SLC6A15: variants seen among roughly 807,000 people sequenced by gnomAD.
The protein encoded by SLC6A15 is solute carrier family 6 member 15.
Under a neutral mutation model 68.5 loss-of-function variants are expected in SLC6A15, and 33 were observed. The observed-to-expected ratio is 0.48, with a 90% CI of 0.37 to 0.64. SLC6A15 has a LOEUF of 0.64. SLC6A15 is among the 30% of genes least tolerant of loss of function. The pLI, the probability that SLC6A15 is intolerant of heterozygous loss-of-function variation, is 0.00. For missense variants in SLC6A15, 747 were observed against 874.3 expected, an observed-to-expected ratio of 0.85 and a Z score of 1.84; for synonymous variants, 347 against 301.0, an observed-to-expected ratio of 1.15 and a Z score of -1.58.
At chr12:84,903,504 C>CA (rs1392754933) in intron 1 of SLC6A15, among the ~76,000 whole-genome samples, 1 of 151,930 alleles carries the variant, frequency 6.6e-6, no homozygotes, top group East Asian at 1.9e-4. Flanking sequence ...TTCCGGAGAC[C>CA]AAAGAATCCA....
intron 1 of SLC6A15, among the ~76,000 whole-genome samples, 173 bp downstream of exon 1, chr12:84,912,350 C>T (rs2120766316): frequency 6.6e-6 from 1 of 152,240 alleles, no homozygotes; most frequent in South Asian, 2.1e-4. Context: ...CCCAGCTTCT[C>T]CCTCCCAGGG....
Position 84,861,324 on chromosome 12 carries a change from T to A in SLC6A15, c.*308A>T, listed in dbSNP as rs1317069256. On this transcript the variant is annotated 3_prime_UTR_variant, in exon 12 of 12. Coordinates refer to ENST00000266682, the MANE Select transcript of SLC6A15 (RefSeq NM_182767.6). ...ACTAAACCCAGAAATTATTAGAAAC[T>A]GAGGTAATACCATTTTTTTAAGAGA... 1 of 223,458 alleles carries A rather than the reference T, an allele frequency of 4.5e-6. No homozygotes were observed. Among genetic ancestry groups the A allele is most frequent in the African/African-American group, 2.3e-5 (1 of 44,126 alleles). 13.8% of individuals were successfully genotyped at this position (223,458 alleles called of 1,614,324 possible).
intron 2 of SLC6A15, among the ~76,000 whole-genome samples, chr12:84,887,074 G>A (rs989895172): frequency 6.6e-6 from 1 of 152,042 alleles, no homozygotes; most frequent in African/African-American, 2.4e-5. Context: ...TGTGGAGGTC[G>A]TTCCTACATG....
chr12:84,872,773 T>C lies in SLC6A15; in HGVS notation c.1131A>G (p.Lys377=), dbSNP rs560593137. ...GACTAATGTTCCCCATTTTCAAAAA[T>C]TTCATGATCGTCTCTGAATTTCTGA... ...CITQNSETIM[K]FLKMGNISQD... is the part of the protein sequence containing the mutation. The change falls in exon 8 of 12, where the codon AAA becomes AAG. Residue 377 remains lysine, a synonymous_variant. Transcript: ENST00000266682. The C allele has an allele frequency of 4.4e-6, 7 of 1,603,690 alleles. No individual in the cohort carries two copies. The South Asian group carries it at 5.7e-5, about 13-fold the overall frequency.
At chr12:84,907,683 G>C (rs1282730017) in intron 1 of SLC6A15, among the ~76,000 whole-genome samples, 1 of 152,066 alleles carries the variant, frequency 6.6e-6, no homozygotes, top group African/African-American at 2.4e-5. Context: ...CCACATAACC[G>C]AGCAAGTGTT....
At chr12:84,864,865 C>T (rs1228678146) in intron 10 of SLC6A15, among the ~76,000 whole-genome samples, 2 of 152,016 alleles carry the variant, frequency 1.3e-5, no homozygotes, top group Non-Finnish European at 2.9e-5. Context: ...AGGGTTATTA[C>T]TAGAACCATA....
rs764405550 is a variant in SLC6A15, at chr12:84,861,923, A to C, written c.1902T>G (p.Pro634=). The C allele has an allele frequency of 6.2e-7, 1 of 1,614,024 alleles. No individual in the cohort carries two copies. Among genetic ancestry groups the C allele is most frequent in the Non-Finnish European group, 8.5e-7 (1 of 1,179,922 alleles). Residue 634 remains proline, a synonymous_variant, in exon 12 of 12, where the codon CCT becomes CCG. Transcript: ENST00000266682. ...TGAAGCGACGAACAATGAAAACTAC[A>C]GGGACTGGGAGTATTGCAAAGACAA... The part of the protein sequence containing the change: ...SLVVFAILPV[P]VVFIVRRFNL...
At position 84,863,537 on chromosome 12, in the gene SLC6A15, T is replaced by C; in HGVS notation, c.1720A>G (p.Lys574Glu). The change falls in exon 11 of 12, where the codon AAA (lysine) becomes GAA (glutamate). Residue 574 changes from lysine to glutamate, a missense_variant. Physicochemically the swap from Lys to Glu is moderately conservative, Grantham distance 56. Coordinates refer to ENST00000266682, the MANE Select transcript of SLC6A15 (RefSeq NM_182767.6). The part of the protein sequence containing the change: ...APSRYYYYMW[K>E]YISPLMLLSL... ...AATAGCATTAGAGGAGAAATATATT[T>C]CCACATATAGTAGTAATATCTGCTG... The C allele has an allele frequency of 6.3e-7, 1 of 1,595,252 alleles. No homozygotes were observed. The highest frequency in any genetic ancestry group is 8.5e-7 in the Non-Finnish European group (1 of 1,172,824).
rs1565736544 is a variant in SLC6A15 at position 84,910,953 on chromosome 12, G to GTGTCTT, written c.-189+1569_-189+1570insAAGACA. 4.6e-3 allele frequency among the ~76,000 whole-genome samples: 660 copies of GTGTCTT among 144,558 alleles called. 26 individuals carry two copies. The highest frequency in any genetic ancestry group is 0.017 in the African/African-American group (616 of 35,376). 94.8% of individuals were successfully genotyped at this position (144,558 alleles called of 152,430 possible). On this transcript the variant is annotated intron_variant, in intron 1 of 11. Transcript: ENST00000266682. ...CGTGTGTGTGTGTGTGTGTGTGTGT[G>GTGTCTT]TCTTTAACCCTCGCCTTCCCTTCAA...
chr12:84,870,552 C>CTG lies in SLC6A15; in HGVS notation c.1419_1420dup (p.Ser474ThrfsTer20). 6.2e-7 allele frequency: 1 copy of CTG among 1,609,378 alleles called. No individual in the cohort carries two copies. ...AATCCCTTCAATGGTTCCAAACATA[C>CTG]TGCCAAGGCCTAGATTGACCAGCAT... On this transcript the variant is annotated frameshift_variant, in exon 9 of 12. Transcript: ENST00000266682. LOFTEE classifies it high-confidence loss of function.
In SLC6A15 at chr12:84,867,043, C is replaced by T. The variant is rs751969540; in HGVS notation, c.1646G>A (p.Gly549Asp). The change falls in exon 10 of 12, where the codon GGC becomes GAC. Residue 549 changes from glycine to aspartate, a missense_variant. Transcript: ENST00000266682. ...AAGCAAATATACTTACTTATCTATG[C>T]CATAAACAAAGCATACAGCAATATT... ...LENIAVCFVY[G>D]IDKFMEDLKD... The T allele has an allele frequency of 6.9e-6, 11 of 1,593,892 alleles. No homozygotes were observed. The highest frequency in any genetic ancestry group is 8.5e-6 in the Non-Finnish European group (10 of 1,171,482).
Position 84,872,768 on chromosome 12 carries a change from A to C in SLC6A15, c.1136T>G (p.Leu379Trp). 1 of 1,603,118 alleles carries C rather than the reference A, an allele frequency of 6.2e-7. No individual in the cohort carries two copies. Among genetic ancestry groups the C allele is most frequent in the Non-Finnish European group, 8.5e-7 (1 of 1,177,468 alleles). The stretch of plus-strand genomic sequence containing the variant: ...ATCCTGACTAATGTTCCCCATTTTC[A>C]AAAATTTCATGATCGTCTCTGAATT... ...TQNSETIMKF[L>W]KMGNISQDII... Residue 379 changes from leucine (L) to tryptophan (W), a missense_variant, in exon 8 of 12, where the codon TTG becomes TGG. Coordinates refer to ENST00000266682, the MANE Select transcript of SLC6A15 (RefSeq NM_182767.6).
intron 1 of SLC6A15, among the ~76,000 whole-genome samples, chr12:84,910,717 CG>C (rs891166065): frequency 1.3e-5 from 2 of 152,098 alleles, no homozygotes; most frequent in African/African-American, 4.8e-5. Flanking sequence ...GACATCGCGC[CG>C]GAACAAGAGC....
At chr12:84,903,023 T>G (rs1036278070) in intron 1 of SLC6A15, among the ~76,000 whole-genome samples, 1 of 152,096 alleles carries the variant, frequency 6.6e-6, no homozygotes, top group South Asian at 2.1e-4. Context: ...ATGCTGGTTT[T>G]TATATAGTAC....
intron 6 of SLC6A15, 147 bp downstream of exon 6, chr12:84,876,350 T>G (rs1380098769): frequency 2.0e-5 from 9 of 443,062 alleles, no homozygotes; most frequent in Admixed American, 4.4e-5. Flanking sequence ...AAAATGCTGG[T>G]TTTTCCTAGA....
chr12:84,870,750 G>T, intron 8 of SLC6A15, 80 bp from the exon 9 acceptor site: 2 of 827,572 alleles, frequency 2.4e-6, no homozygotes, highest in Non-Finnish European at 3.6e-6. Context: ...CAATGAGGAG[G>T]AAAGATCTCT....
intron 4 of SLC6A15, among the ~76,000 whole-genome samples, chr12:84,884,993 C>T (rs1304093476): frequency 5.9e-5 from 9 of 151,600 alleles, no homozygotes; most frequent in Non-Finnish European, 1.2e-4. Context: ...GGTGACTGCT[C>T]TTTATAATAT....
At chr12:84,886,973 CACTCTGTCACCCAGGCTGAAGT>C (rs1872137936) in intron 2 of SLC6A15, among the ~76,000 whole-genome samples, 1 of 151,228 alleles carries the variant, frequency 6.6e-6, no homozygotes, top group South Asian at 2.1e-4. Flanking sequence ...GACAGGCTCT[CACTCTGTCACCCAGGCTGAAGT>C]ACAGTGGTGT....
intron 1 of SLC6A15, among the ~76,000 whole-genome samples, chr12:84,910,745 T>C (rs776269599): frequency 2.2e-4 from 34 of 152,274 alleles, no homozygotes; most frequent in Non-Finnish European, 3.1e-4. Flanking sequence ...CGCCTCTTCA[T>C]GGAAGCATCT....
Sources: gnomAD v4.1 joint callset for allele counts (sites outside exome capture counted in the v4.1 genomes callset) on GRCh38, gnomAD v4.1.1 for gene constraint, MANE v1.5 for transcripts, NCBI Gene and HGNC (gene_info 2026-07-23, HGNC 2026-07-21) for gene names.